The following SMYD3 variants were observed in gnomAD, a reference collection of about 807,000 sequenced individuals.
The protein encoded by SMYD3 is histone-lysine N-methyltransferase SMYD3.
In SMYD3, 36 loss-of-function variants were observed where a neutral mutation model predicts 57.7. The observed-to-expected ratio is 0.62, with a 90% CI of 0.48 to 0.82. The LOEUF (loss-of-function observed/expected upper bound fraction) is 0.82, where lower values mean the gene tolerates loss of function less well. SMYD3 is among the 40% of genes least tolerant of loss of function. SMYD3 has a pLI of 0.00. For synonymous variants in SMYD3, 211 were observed against 195.0 expected (o/e 1.08, Z -0.68); for missense variants, 515 against 538.8 (o/e 0.96, Z 0.44).
At chr1:246,403,294 G>A (rs1333905532) in intron 1 of SMYD3, among the ~76,000 whole-genome samples, 1 of 151,598 alleles carries the variant, frequency 6.6e-6, no homozygotes, top group Non-Finnish European at 1.5e-5. Flanking sequence ...AGGAGTTTGA[G>A]ACCAGCCTGG....
intron 5 of SMYD3, among the ~76,000 whole-genome samples, chr1:246,245,120 C>CTTTTTTGTTTTTTTTTT (rs2063678763): frequency 8.1e-6 from 1 of 122,966 alleles, no homozygotes; most frequent in African/African-American, 3.1e-5. Flanking sequence ...CAGCTACTGC[C>CTTTTTTGTTTTTTTTTT]TTTTTTTTTT....
At chr1:246,072,268 A>G (rs71533456) in intron 5 of SMYD3, among the ~76,000 whole-genome samples, 555 of 117,170 alleles carry the variant, frequency 4.7e-3, no homozygotes, top group Non-Finnish European at 5.9e-3. Flanking sequence ...TGTGCTTTCC[A>G]CTGTGCTCAC....
intron 5 of SMYD3, among the ~76,000 whole-genome samples, chr1:245,946,490 C>A (rs1183896541): frequency 2.0e-5 from 3 of 152,198 alleles, no homozygotes; most frequent in African/African-American, 7.2e-5. Context: ...GTTCTCCAAT[C>A]CCCTCACAAA....
intron 5 of SMYD3, among the ~76,000 whole-genome samples, chr1:246,122,081 C>A (rs1219790102): frequency 2.0e-5 from 3 of 151,766 alleles, no homozygotes; most frequent in African/African-American, 7.3e-5. Context: ...AAAAAAGAAT[C>A]TCCAATATTC....
intron 5 of SMYD3, among the ~76,000 whole-genome samples, chr1:246,283,335 A>G (rs949199083): frequency 6.6e-6 from 1 of 152,226 alleles, no homozygotes; most frequent in African/African-American, 2.4e-5. Context: ...TTTCATGAGC[A>G]TGAGCTATTG....
chr1:246,210,877 C>CT (rs1215299184), intron 5 of SMYD3, among the ~76,000 whole-genome samples: 1 of 152,116 alleles, frequency 6.6e-6, no homozygotes, highest in African/African-American at 2.4e-5. Flanking sequence ...AAATGCAGGG[C>CT]TTCAATTCTG....
At chr1:246,026,269 T>A (rs2059573130) in intron 5 of SMYD3, among the ~76,000 whole-genome samples, 1 of 152,240 alleles carries the variant, frequency 6.6e-6, no homozygotes. Context: ...AAAGAAGTCT[T>A]AGATCAAATA....
intron 1 of SMYD3, among the ~76,000 whole-genome samples, chr1:246,444,999 T>A (rs1047311881): frequency 1.3e-5 from 2 of 152,194 alleles, no homozygotes; most frequent in African/African-American, 4.8e-5. Context: ...TTTCTTTATC[T>A]CCTTGGGGCT....
intron 5 of SMYD3, among the ~76,000 whole-genome samples, chr1:246,297,475 G>A (rs1299688460): frequency 6.6e-6 from 1 of 152,090 alleles, no homozygotes; most frequent in Non-Finnish European, 1.5e-5. Context: ...ACGCATCCAA[G>A]AATTTGTCTT....
At chr1:246,333,965 T>C (rs2065500546) in intron 3 of SMYD3, among the ~76,000 whole-genome samples, 2 of 151,466 alleles carry the variant, frequency 1.3e-5, no homozygotes, top group Admixed American at 6.6e-5. Flanking sequence ...CCAAAAAACA[T>C]AGGAAAAATG....
intron 2 of SMYD3, among the ~76,000 whole-genome samples, chr1:246,350,452 G>C (rs886426087): frequency 6.6e-6 from 1 of 152,152 alleles, no homozygotes; most frequent in African/African-American, 2.4e-5. Flanking sequence ...TAGTACTAAA[G>C]AAGCTGACGA....
intron 10 of SMYD3, among the ~76,000 whole-genome samples, chr1:245,835,948 G>C (rs2050087033): frequency 6.6e-6 from 1 of 152,142 alleles, no homozygotes; most frequent in Non-Finnish European, 1.5e-5. Flanking sequence ...GCGAAAACTT[G>C]CTTTGCTAGT....
At chr1:245,870,312 T>C (rs1246733467) in intron 8 of SMYD3, among the ~76,000 whole-genome samples, 1 of 152,150 alleles carries the variant, frequency 6.6e-6, no homozygotes, top group Non-Finnish European at 1.5e-5. Flanking sequence ...ACAGCTGGCA[T>C]TGGTCATCAT....
At chr1:245,895,396 A>C (rs2053699648) in intron 8 of SMYD3, among the ~76,000 whole-genome samples, 2 of 152,224 alleles carry the variant, frequency 1.3e-5, no homozygotes, top group Admixed American at 1.3e-4. Flanking sequence ...AACGGGAAAC[A>C]TTCTGCTTAG....
chr1:245,838,392 C>CGGGGGATGAGGA (rs2050208807), intron 10 of SMYD3, among the ~76,000 whole-genome samples: 1 of 152,104 alleles, frequency 6.6e-6, no homozygotes, highest in South Asian at 2.1e-4. Flanking sequence ...CTTCACCCTG[C>CGGGGGATGAGGA]GGGGGATGAG....
Position 246,002,261 on chromosome 1 carries a change from T to A in SMYD3, c.532-72324A>T, listed in dbSNP as rs998593057. On this transcript the variant is annotated intron_variant, in intron 5 of 11. Coordinates refer to ENST00000490107, the MANE Select transcript of SMYD3 (RefSeq NM_001167740.2). ...GTGCTGTGGCGCGATCTCGGCTCACTGCAAGCTCCGCCTCCCGGGTTCACG... is the reference window on the plus strand; with the variant it reads ...GTGCTGTGGCGCGATCTCGGCTCACAGCAAGCTCCGCCTCCCGGGTTCACG... Among the ~76,000 whole-genome samples, 72 of 138,534 alleles carry A rather than the reference T, an allele frequency of 5.2e-4. 2 individuals are homozygous for A. Among genetic ancestry groups the A allele is most frequent in the African/African-American group, 1.7e-3 (66 of 38,490 alleles). 90.9% of individuals were successfully genotyped at this position (138,534 alleles called of 152,430 possible). A position where few individuals can be genotyped will look rare whatever the true frequency, so the allele number is the denominator to read the frequency against.
intron 10 of SMYD3, among the ~76,000 whole-genome samples, chr1:245,818,191 C>T (rs1245227753): frequency 1.3e-5 from 2 of 152,306 alleles, no homozygotes; most frequent in African/African-American, 2.4e-5. Flanking sequence ...AGACTAACAG[C>T]GGATCTCTCA....
intron 5 of SMYD3, among the ~76,000 whole-genome samples, chr1:246,214,613 C>CT (rs1209631637): frequency 6.6e-6 from 1 of 152,082 alleles, no homozygotes; most frequent in Non-Finnish European, 1.5e-5. Flanking sequence ...AGAAGTAAGG[C>CT]TAAGAGAGAA....
At chr1:245,790,261 TG>T (rs1558340589) in intron 10 of SMYD3, among the ~76,000 whole-genome samples, 1 of 152,140 alleles carries the variant, frequency 6.6e-6, no homozygotes, top group Non-Finnish European at 1.5e-5. Context: ...ACAGCAACAC[TG>T]AGAATTCAAC....
Sources: allele counts gnomAD v4.1 joint callset (sites outside exome capture counted in the v4.1 genomes callset), GRCh38; gene constraint gnomAD v4.1.1; transcripts MANE v1.5; gene names NCBI Gene and HGNC (gene_info 2026-07-23, HGNC 2026-07-21).